EVL: variants seen among roughly 807,000 people sequenced by gnomAD.
EVL encodes the protein ena/VASP-like protein.
A neutral mutation model predicts 59.6 loss-of-function variants in EVL; 21 were observed. That is an observed-to-expected ratio of 0.35 (90% CI 0.25 to 0.51). EVL has a LOEUF of 0.51. Ranked by LOEUF, EVL falls within the 20% of genes least tolerant of loss-of-function variation. The pLI, the probability that EVL is intolerant of heterozygous loss-of-function variation, is 0.97. For missense variants in EVL, 462 were observed against 546.6 expected (o/e 0.85, Z 1.54); for synonymous variants, 198 against 203.5 (o/e 0.97, Z 0.23).
Position 100,086,129 on chromosome 14 carries a change from G to A in EVL, c.180+1274G>A, listed in dbSNP as rs537057887. 7.2e-5 allele frequency among the ~76,000 whole-genome samples: 11 copies of A among 152,260 alleles called. 1 individual carries two copies. Among genetic ancestry groups the A allele is most frequent in the African/African-American group, 2.6e-4 (11 of 41,548 alleles). On this transcript the variant is annotated intron_variant, in intron 2 of 13. Coordinates refer to ENST00000392920, the MANE Select transcript of EVL (RefSeq NM_016337.3). ...GGGCGACGGAGCGAGACTCCGAAAA[G>A]ATAGTCTTTCTAACCTTGAAATCTT...
At chr14:100,036,255 C>A (rs565938305) in intron 1 of EVL, among the ~76,000 whole-genome samples, 8 of 152,264 alleles carry the variant, frequency 5.3e-5, no homozygotes, top group South Asian at 4.1e-4. Context: ...CACCCCAGTC[C>A]ATGGAAAAAT....
chr14:100,049,046 AT>A (rs1214911183), intron 1 of EVL, among the ~76,000 whole-genome samples: 1 of 152,218 alleles, frequency 6.6e-6, no homozygotes, highest in Non-Finnish European at 1.5e-5. Context: ...TAGGTGTTAC[AT>A]TCATGGAAAT....
intron 1 of EVL, among the ~76,000 whole-genome samples, chr14:100,075,695 T>A (rs187392877): frequency 6.6e-6 from 1 of 152,242 alleles, no homozygotes; most frequent in Admixed American, 6.5e-5. Context: ...GAAGTGGCTG[T>A]CCTGACGGCT....
At chr14:99,973,651 C>T (rs1414851367) in intron 1 of EVL, among the ~76,000 whole-genome samples, 1 of 152,072 alleles carries the variant, frequency 6.6e-6, no homozygotes, top group African/African-American at 2.4e-5. Context: ...TTAGTAGAGA[C>T]GGGGTTTCAC....
At chr14:99,988,299 A>T (rs1388574935) in intron 1 of EVL, among the ~76,000 whole-genome samples, 1 of 152,178 alleles carries the variant, frequency 6.6e-6, no homozygotes, top group Non-Finnish European at 1.5e-5. Flanking sequence ...TAAGCACTTG[A>T]AAAGGTGCTT....
intron 1 of EVL, among the ~76,000 whole-genome samples, chr14:99,985,742 G>C (rs2060835918): frequency 6.6e-6 from 1 of 151,240 alleles, no homozygotes; most frequent in Admixed American, 6.6e-5. Context: ...ACTCTGGCCT[G>C]GGCAACAAGA....
intron 1 of EVL, among the ~76,000 whole-genome samples, chr14:100,066,270 C>T (rs2061928461): frequency 6.6e-6 from 1 of 152,166 alleles, no homozygotes; most frequent in South Asian, 2.1e-4. Flanking sequence ...TCCAAAGTGC[C>T]ATTTCGCCAG....
At chr14:100,111,148 ATTTTT>A (rs35367426) in intron 3 of EVL, among the ~76,000 whole-genome samples, 33 of 86,804 alleles carry the variant, frequency 3.8e-4, no homozygotes, top group Admixed American at 2.0e-3. Flanking sequence ...TAGTGTCCTC[ATTTTT>A]TTTTTTTTTT....
intron 1 of EVL, among the ~76,000 whole-genome samples, chr14:100,079,160 G>A (rs1050956294): frequency 6.6e-6 from 1 of 152,212 alleles, no homozygotes; most frequent in African/African-American, 2.4e-5. Flanking sequence ...GCTGAGCCTC[G>A]CTTTGCACAG....
At chr14:100,010,533 T>A (rs2061010228) in intron 1 of EVL, among the ~76,000 whole-genome samples, 1 of 152,180 alleles carries the variant, frequency 6.6e-6, no homozygotes, top group South Asian at 2.1e-4. Context: ...GTAGCTGGGA[T>A]TACAGGCATG....
intron 1 of EVL, among the ~76,000 whole-genome samples, chr14:100,042,950 G>A (rs1655567040): frequency 1.3e-5 from 2 of 152,106 alleles, no homozygotes; most frequent in Non-Finnish European, 2.9e-5. Flanking sequence ...TGTGGGGATC[G>A]ACTGTCTCAA....
At chr14:100,093,365 T>C (rs1021147514) in intron 2 of EVL, among the ~76,000 whole-genome samples, 4 of 152,298 alleles carry the variant, frequency 2.6e-5, no homozygotes, top group African/African-American at 7.2e-5. Context: ...GAAACTGATA[T>C]GAGCAACTTG....
At chr14:100,065,639 G>A in intron 1 of EVL, 128 bp downstream of exon 1, 1 of 440,890 alleles carries the variant, frequency 2.3e-6, no homozygotes, top group Non-Finnish European at 3.9e-6. Flanking sequence ...CATGACCAGA[G>A]GGCAGGGGGC....
intron 13 of EVL, among the ~76,000 whole-genome samples, 200 bp from the exon 14 acceptor site, chr14:100,143,501 C>T (rs772487956): frequency 1.1e-4 from 16 of 152,196 alleles, no homozygotes; most frequent in South Asian, 2.1e-4. Context: ...CAGCAGGGGC[C>T]GCCGCAGAAG....
At chr14:100,073,335 T>G (rs543004642) in intron 1 of EVL, among the ~76,000 whole-genome samples, 4,002 of 150,896 alleles carry the variant, frequency 0.027, 80 homozygotes, top group Non-Finnish European at 0.034. Context: ...TTTTTTTTTT[T>G]TGGGGAGACA....
Position 100,140,759 on chromosome 14 carries a change from C to A in EVL, c.1095-421C>A, listed in dbSNP as rs544583805. Reference sequence around the variant, plus strand: ...AACTCTGCAACTTCACATTGTGCCTCCTGCCGCCGCTGCTGCTTCCCCGAG... The same window carrying A: ...AACTCTGCAACTTCACATTGTGCCTACTGCCGCCGCTGCTGCTTCCCCGAG... On this transcript the variant is annotated intron_variant, in intron 11 of 13. Transcript: ENST00000392920. 4 of 164,290 alleles carry A rather than the reference C, an allele frequency of 2.4e-5. No homozygotes were observed. In the East Asian group the frequency reaches 5.5e-4, roughly 22 times the overall value. 10.2% of individuals were successfully genotyped at this position (164,290 alleles called of 1,614,324 possible).
intron 8 of EVL, chr14:100,135,231 G>A (rs766489847): frequency 1.3e-5 from 2 of 152,250 alleles, no homozygotes; most frequent in Non-Finnish European, 2.9e-5. Context: ...TGGGGATGTA[G>A]TGAGCAGAGG....
rs1158933445 is a variant in EVL at position 100,047,116 on chromosome 14, C to CTATTTTTT, written c.6-37570_6-37569insATTTTTTT. On this transcript the variant is annotated intron_variant, in intron 1 of 13. Coordinates refer to the EVL transcript ENST00000402714. ...TTTGAGACCTTGGGCAGATCTCTCT[C>CTATTTTTT]TCTTTTTTTTTTTTTTTTTTTTTTT... Among the ~76,000 whole-genome samples, 79 of 28,454 alleles carry CTATTTTTT rather than the reference C, an allele frequency of 2.8e-3. 4 individuals are homozygous for CTATTTTTT. The East Asian group carries it at 0.04, about 14-fold the overall frequency. The allele number at this position is 28,454 out of a possible 152,430, so 18.7% of individuals were successfully genotyped here.
rs569195130 is a variant in EVL at position 100,141,336 on chromosome 14, G to A, written c.1161+90G>A. 1.2e-3 allele frequency: 1,686 copies of A among 1,440,750 alleles called. 4 individuals carry two copies. Among genetic ancestry groups the A allele is most frequent in the Non-Finnish European group, 1.3e-3 (1,388 of 1,045,476 alleles). The allele number at this position is 1,440,750 out of a possible 1,614,324, so 89.2% of individuals were successfully genotyped here. Reference sequence around the variant, plus strand: ...TGACCAGCATGGCCAGGCAGGCCCTGGGGGCCCACATGTAGCTGCCAAAAG... The same window carrying A: ...TGACCAGCATGGCCAGGCAGGCCCTAGGGGCCCACATGTAGCTGCCAAAAG... On this transcript the variant is annotated intron_variant, in intron 12 of 13. Transcript: ENST00000392920.
Sources: allele counts gnomAD v4.1 joint callset (sites outside exome capture counted in the v4.1 genomes callset), GRCh38; gene constraint gnomAD v4.1.1; transcripts MANE v1.5; gene names NCBI Gene and HGNC (gene_info 2026-07-23, HGNC 2026-07-21).